TMEM9B: variants seen among roughly 807,000 people sequenced by gnomAD.
TMEM9B encodes transmembrane protein 9B.
In TMEM9B, 8 loss-of-function variants were observed where a neutral mutation model predicts 23.5. That is an observed-to-expected ratio of 0.34 (90% confidence interval 0.20 to 0.61). The LOEUF is 0.61. Among genes scored for constraint, TMEM9B ranks in the 20% least tolerant of loss-of-function variants. The pLI is 0.78. For missense variants in TMEM9B, 197 were observed against 252.3 expected (o/e 0.78, Z 1.49); for synonymous variants, 106 against 96.3 (o/e 1.10, Z -0.59).
rs1178440643 is a variant in TMEM9B, at chr11:8,964,352, C to T, written c.-39G>A. 1.3e-6 allele frequency: 2 copies of T among 1,536,316 alleles called. No individual in the cohort carries two copies. Among genetic ancestry groups the T allele is most frequent in the Admixed American group, 2.0e-5 (1 of 49,724 alleles). On this transcript the variant is annotated 5_prime_UTR_variant, in exon 1 of 5. Coordinates refer to ENST00000534025, the MANE Select transcript of TMEM9B (RefSeq NM_020644.3). The stretch of plus-strand genomic sequence containing the variant: ...GCGGTCCCACAGCCCGGAGCCCCCG[C>T]GACCGGCTCCCGGCTCGGGCTCAGG...
intron 2 of TMEM9B, among the ~76,000 whole-genome samples, chr11:8,958,574 CT>C (rs111765985): frequency 0.82 from 112,221 of 136,678 alleles, 46,274 homozygotes; most frequent in Admixed American, 0.9. Flanking sequence ...TTAGGTTATT[CT>C]TTTTTTTTTT....
rs1245004693 is a variant in TMEM9B at position 8,947,707 on chromosome 11, AG to A, written c.*612del. The A allele has an allele frequency of 6.5e-6, 1 of 152,728 alleles. No homozygotes were observed. The highest frequency in any genetic ancestry group is 1.5e-5 in the Non-Finnish European group (1 of 68,104). The allele number at this position is 152,728 out of a possible 1,614,324, so 9.5% of individuals were successfully genotyped here. A position where few individuals can be genotyped will look rare whatever the true frequency, so the allele number is the denominator to read the frequency against. On this transcript the variant is annotated 3_prime_UTR_variant, in exon 5 of 5. Transcript: ENST00000534025. Reference sequence around the variant, plus strand: ...AATCTGCTTTTTGTGAAAAGCCACCAGGCATTTTAGATCCCGTTTACCATGA... The same window carrying A: ...AATCTGCTTTTTGTGAAAAGCCACCAGCATTTTAGATCCCGTTTACCATGA...
At position 8,948,161 on chromosome 11, in the gene TMEM9B, A is replaced by C; in HGVS notation, c.*159T>G. ...AAAATGTCTCTATTATTACGTTAACAAGAAAAAAAAATCAAGCAAGTTTTT... is the reference window on the plus strand; with the variant it reads ...AAAATGTCTCTATTATTACGTTAACCAGAAAAAAAAATCAAGCAAGTTTTT... On this transcript the variant is annotated 3_prime_UTR_variant, in exon 5 of 5. Coordinates refer to ENST00000534025, the MANE Select transcript of TMEM9B (RefSeq NM_020644.3). 1 of 862,428 alleles carries C rather than the reference A, an allele frequency of 1.2e-6. No homozygotes were observed. The highest frequency in any genetic ancestry group is 1.7e-6 in the Non-Finnish European group (1 of 578,436). The allele number at this position is 862,428 out of a possible 1,614,324, so 53.4% of individuals were successfully genotyped here. A position where few individuals can be genotyped will look rare whatever the true frequency, so the allele number is the denominator to read the frequency against.
chr11:8,954,128 T>G (rs7938995), intron 3 of TMEM9B, among the ~76,000 whole-genome samples: 33,875 of 152,096 alleles, frequency 0.22, 3,852 homozygotes, highest in East Asian at 0.36. Context: ...AACATTGTGC[T>G]AAATGAAAGA....
At chr11:8,948,851 T>C (rs988443957) in intron 4 of TMEM9B, among the ~76,000 whole-genome samples, 10 of 152,244 alleles carry the variant, frequency 6.6e-5, no homozygotes, top group African/African-American at 2.4e-4. Context: ...CTCCATGTTA[T>C]AGATATGGAA....
Position 8,953,380 on chromosome 11 carries a change from A to G in TMEM9B, c.307-43T>C, listed in dbSNP as rs774653669. 7 of 1,600,354 alleles carry G rather than the reference A, an allele frequency of 4.4e-6. No homozygotes were observed. The Admixed American group carries it at 1.2e-4, about 27-fold the overall frequency. ...TTAAGTTACATCTTTGTTCAAGCCC[A>G]TAAATCAGAACTTTGTATGATAATA... On this transcript the variant is annotated intron_variant, in intron 3 of 4. Transcript: ENST00000534025.
intron 4 of TMEM9B, among the ~76,000 whole-genome samples, chr11:8,948,939 G>A (rs1853827041): frequency 6.6e-6 from 1 of 152,154 alleles, no homozygotes; most frequent in African/African-American, 2.4e-5. Context: ...TTAATTTCCT[G>A]TCTCCATTAG....
intron 3 of TMEM9B, 69 bp from the exon 4 acceptor site, chr11:8,953,406 G>C: frequency 1.1e-5 from 16 of 1,511,504 alleles, no homozygotes; most frequent in Non-Finnish European, 1.3e-5. Context: ...TATGATAATA[G>C]TAAAACTGAC....
At chr11:8,959,210 C>G (rs1318613830) in intron 2 of TMEM9B, among the ~76,000 whole-genome samples, 1 of 152,130 alleles carries the variant, frequency 6.6e-6, no homozygotes, top group Non-Finnish European at 1.5e-5. Context: ...TTTAGGAGGC[C>G]AACATGTGAG....
At chr11:8,956,507 C>T (rs1853977319) in intron 2 of TMEM9B, among the ~76,000 whole-genome samples, 1 of 152,128 alleles carries the variant, frequency 6.6e-6, no homozygotes, top group South Asian at 2.1e-4. Context: ...CACAAAGTCA[C>T]ACATATAGTA....
At position 8,964,258 on chromosome 11, in the gene TMEM9B, C is replaced by A. The variant is rs1315503659; in HGVS notation, c.56G>T (p.Cys19Phe). 1 of 1,597,268 alleles carries A rather than the reference C, an allele frequency of 6.3e-7. No individual in the cohort carries two copies. Among genetic ancestry groups the A allele is most frequent in the Admixed American group, 1.7e-5 (1 of 57,812 alleles). Residue 19 changes from cysteine to phenylalanine, a missense_variant, in exon 1 of 5, where the codon TGC becomes TTC. Coordinates refer to ENST00000534025, the MANE Select transcript of TMEM9B (RefSeq NM_020644.3). ...CAGCAGCAGCACGGAAAGCGCCAGG[C>A]ACGACAGGCTGAGCAAGGAGCCAAG... Reference protein sequence around the residue: ...LRLGSLLSLSCLALSVLLLAQ... With the variant: ...LRLGSLLSLSFLALSVLLLAQ...
chr11:8,964,381 A>T lies in TMEM9B; in HGVS notation c.-68T>A. On this transcript the variant is annotated 5_prime_UTR_variant, in exon 1 of 5. Coordinates refer to ENST00000534025, the MANE Select transcript of TMEM9B (RefSeq NM_020644.3). Reference sequence around the variant, plus strand: ...CGGCTCCCGGCTCGGGCTCAGGCTCAGGCTCAGGCTCAGGCACAGGCTTGG... The same window carrying T: ...CGGCTCCCGGCTCGGGCTCAGGCTCTGGCTCAGGCTCAGGCACAGGCTTGG... 2.0e-6 allele frequency: 3 copies of T among 1,505,392 alleles called. No individual in the cohort carries two copies. The highest frequency in any genetic ancestry group is 2.7e-6 in the Non-Finnish European group (3 of 1,131,204). The allele number at this position is 1,505,392 out of a possible 1,614,324, so 93.3% of individuals were successfully genotyped here. A position where few individuals can be genotyped will look rare whatever the true frequency, so the allele number is the denominator to read the frequency against.
Position 8,960,993 on chromosome 11 carries a change from C to T in TMEM9B, c.197+1099G>A, listed in dbSNP as rs529725851. Among the ~76,000 whole-genome samples, 3 of 152,096 alleles carry T rather than the reference C, an allele frequency of 2.0e-5. No homozygotes were observed. The South Asian group carries it at 6.2e-4, about 31-fold the overall frequency. On this transcript the variant is annotated intron_variant, in intron 2 of 4. Transcript: ENST00000534025. ...AGCCACCGTGCCCGGCCTGAACATT[C>T]TTGTATCATATAAAGTAACTTCCTG...
chr11:8,954,858 TA>T (rs907721413), intron 3 of TMEM9B, among the ~76,000 whole-genome samples: 9 of 151,890 alleles, frequency 5.9e-5, no homozygotes, highest in African/African-American at 1.2e-4. Flanking sequence ...AAGTGCCATG[TA>T]AAAAAAAATT....
At chr11:8,961,616 A>G (rs1854084125) in intron 2 of TMEM9B, among the ~76,000 whole-genome samples, 1 of 152,252 alleles carries the variant, frequency 6.6e-6, no homozygotes, top group Non-Finnish European at 1.5e-5. Context: ...ACCAAATGGG[A>G]AACTCTGACT....
At chr11:8,952,065 C>A (rs150763311) in intron 4 of TMEM9B, among the ~76,000 whole-genome samples, 1 of 152,082 alleles carries the variant, frequency 6.6e-6, no homozygotes, top group African/African-American at 2.4e-5. Flanking sequence ...GCCAAAGTCA[C>A]GCCACTGCAC....
chr11:8,953,868 TG>T (rs1853926359), intron 3 of TMEM9B, among the ~76,000 whole-genome samples: 1 of 152,220 alleles, frequency 6.6e-6, no homozygotes, highest in Non-Finnish European at 1.5e-5. Flanking sequence ...GGAAACAATC[TG>T]GCAGTCTCTT....
At chr11:8,952,283 A>ACACACAC (rs58318628) in intron 4 of TMEM9B, among the ~76,000 whole-genome samples, 2 of 35,748 alleles carry the variant, frequency 5.6e-5, no homozygotes, top group African/African-American at 9.4e-5. Context: ...CACACACGCT[A>ACACACAC]TATATATATA....
At position 8,964,383 on chromosome 11, in the gene TMEM9B, G is replaced by A. The variant is rs1157249033; in HGVS notation, c.-70C>T. The A allele has an allele frequency of 5.9e-6, 9 of 1,519,344 alleles. No individual in the cohort carries two copies. The highest frequency in any genetic ancestry group is 1.2e-5 in the South Asian group (1 of 80,386). 94.1% of individuals were successfully genotyped at this position (1,519,344 alleles called of 1,614,324 possible). A position where few individuals can be genotyped will look rare whatever the true frequency, so the allele number is the denominator to read the frequency against. ...GCTCCCGGCTCGGGCTCAGGCTCAGGCTCAGGCTCAGGCACAGGCTTGGGA... is the reference window on the plus strand; with the variant it reads ...GCTCCCGGCTCGGGCTCAGGCTCAGACTCAGGCTCAGGCACAGGCTTGGGA... On this transcript the variant is annotated 5_prime_UTR_variant, in exon 1 of 5. Transcript: ENST00000534025.
Sources: gnomAD v4.1 joint callset for allele counts (sites outside exome capture counted in the v4.1 genomes callset) on GRCh38, gnomAD v4.1.1 for gene constraint, MANE v1.5 for transcripts, NCBI Gene and HGNC (gene_info 2026-07-23, HGNC 2026-07-21) for gene names.